KIF13B: variants seen among roughly 807,000 people sequenced by gnomAD.
KIF13B encodes the protein kinesin family member 13B.
A neutral mutation model predicts 222.0 loss-of-function variants in KIF13B; 127 were observed. The observed-to-expected ratio is 0.57, with a 90% confidence interval of 0.50 to 0.66. KIF13B has a LOEUF of 0.66. KIF13B is among the 30% of genes least tolerant of loss of function. The pLI is 0.00. For synonymous variants in KIF13B, 976 were observed against 919.0 expected, an observed-to-expected ratio of 1.06 and a Z score of -1.12; for missense variants, 2,173 against 2,379.0, an observed-to-expected ratio of 0.91 and a Z score of 1.80.
chr8:29,128,151 T>C (rs1810199130), intron 24 of KIF13B, among the ~76,000 whole-genome samples: 1 of 149,666 alleles, frequency 6.7e-6, no homozygotes, highest in South Asian at 2.1e-4. Flanking sequence ...AATATAAATA[T>C]ATAATTATAA....
At chr8:29,163,316 G>A (rs1306541711) in intron 12 of KIF13B, among the ~76,000 whole-genome samples, 3 of 152,202 alleles carry the variant, frequency 2.0e-5, no homozygotes, top group Non-Finnish European at 4.4e-5. Flanking sequence ...AAGGGTCAAA[G>A]GGTGCAGAGG....
intron 2 of KIF13B, among the ~76,000 whole-genome samples, chr8:29,220,306 G>T (rs1036618902): frequency 1.3e-5 from 2 of 152,146 alleles, no homozygotes; most frequent in African/African-American, 4.8e-5. Context: ...CACTAGCCTT[G>T]CCTGGTACTC....
intron 37 of KIF13B, among the ~76,000 whole-genome samples, chr8:29,086,486 A>T (rs61586008): frequency 0.13 from 19,149 of 152,174 alleles, 1,267 homozygotes; most frequent in African/African-American, 0.16. Context: ...GCACCACTGC[A>T]CTCCAGCCTG....
At chr8:29,144,265 GT>G (rs924596569) in intron 18 of KIF13B, among the ~76,000 whole-genome samples, 9 of 150,758 alleles carry the variant, frequency 6.0e-5, no homozygotes, top group African/African-American at 9.7e-5. Context: ...GCGTGTGTGT[GT>G]TTTTTTTTAA....
Position 29,123,405 on chromosome 8 carries a change from G to A in KIF13B, c.3440C>T (p.Pro1147Leu). ...CCCTGGAATACCACTGCCAGCAGAGGGGACCATCACCGCGTTCCTCTCCTC... is the reference window on the plus strand; with the variant it reads ...CCCTGGAATACCACTGCCAGCAGAGAGGACCATCACCGCGTTCCTCTCCTC... ...LTEERNAVMV[P>L]SAGSGIPGAP... is the part of the protein sequence containing the mutation. Residue 1147 changes from proline (P) to leucine (L), a missense_variant, in exon 28 of 40, where the codon CCC becomes CTC. Physicochemically the swap from Pro to Leu is moderately conservative, Grantham distance 98 (BLOSUM62 -3). Around this residue, in one of 2 missense-constraint regions of KIF13B, gnomAD observed 1,480 missense variants for 1,722.8 expected, o/e 0.86. Coordinates refer to ENST00000524189, the MANE Select transcript of KIF13B (RefSeq NM_015254.4). The A allele has an allele frequency of 6.2e-7, 1 of 1,613,990 alleles. No individual in the cohort carries two copies. Among genetic ancestry groups the A allele is most frequent in the South Asian group, 1.1e-5 (1 of 91,086 alleles).
chr8:29,126,479 T>A lies in KIF13B; in HGVS notation c.3252+3A>T. The A allele has an allele frequency of 6.5e-7, 1 of 1,532,604 alleles. No homozygotes were observed. Among genetic ancestry groups the A allele is most frequent in the Non-Finnish European group, 9.0e-7 (1 of 1,114,688 alleles). The allele number at this position is 1,532,604 out of a possible 1,614,324, so 94.9% of individuals were successfully genotyped here. On this transcript the variant is annotated splice_donor_region_variant and intron_variant, in intron 26 of 39. Coordinates refer to ENST00000524189, the MANE Select transcript of KIF13B (RefSeq NM_015254.4). ...GAGATGAGATTAACAGGTGCTAAAT[T>A]ACCTGGTAGCTGTCCATGTCTTCCT...
At chr8:29,207,865 A>G (rs1814024643) in intron 2 of KIF13B, among the ~76,000 whole-genome samples, 1 of 152,198 alleles carries the variant, frequency 6.6e-6, no homozygotes, top group Admixed American at 6.5e-5. Context: ...ATAGAAGCCA[A>G]TAGTTACCGC....
chr8:29,102,353 G>T (rs944778914), intron 35 of KIF13B, among the ~76,000 whole-genome samples: 1 of 152,202 alleles, frequency 6.6e-6, no homozygotes, highest in African/African-American at 2.4e-5. Flanking sequence ...AATCAGCCAT[G>T]ATACAGTTAC....
At position 29,181,905 on chromosome 8, in the gene KIF13B, C is replaced by T; in HGVS notation, c.585+14G>A. On this transcript the variant is annotated intron_variant, in intron 7 of 39. Coordinates refer to ENST00000524189, the MANE Select transcript of KIF13B (RefSeq NM_015254.4). Reference sequence around the variant, plus strand: ...ACACTAAATTTAAATAGTTCACATACAGGATGTTGTTACCTTGTAGCTTGT... The same window carrying T: ...ACACTAAATTTAAATAGTTCACATATAGGATGTTGTTACCTTGTAGCTTGT... 3 of 1,595,948 alleles carry T rather than the reference C, an allele frequency of 1.9e-6. No individual in the cohort carries two copies. The highest frequency in any genetic ancestry group is 1.7e-6 in the Non-Finnish European group (2 of 1,165,476).
intron 2 of KIF13B, among the ~76,000 whole-genome samples, chr8:29,197,316 G>A (rs1321662160): frequency 2.7e-5 from 3 of 111,354 alleles, no homozygotes; most frequent in African/African-American, 3.5e-5. Context: ...CAGCCTGGGC[G>A]ACAGAGCGAG....
At chr8:29,120,142 T>G (rs1809789745) in intron 29 of KIF13B, among the ~76,000 whole-genome samples, 1 of 150,214 alleles carries the variant, frequency 6.7e-6, no homozygotes, top group Non-Finnish European at 1.5e-5. Flanking sequence ...TACATGGTGG[T>G]GAGTGGGAAA....
intron 37 of KIF13B, among the ~76,000 whole-genome samples, chr8:29,084,040 C>T (rs1967070): frequency 0.18 from 27,221 of 151,900 alleles, 3,267 homozygotes; most frequent in African/African-American, 0.35. Flanking sequence ...TCACCCTCCC[C>T]AGTGGCTGGG....
chr8:29,249,273 CAA>C (rs1336271217), intron 1 of KIF13B, among the ~76,000 whole-genome samples: 2 of 151,484 alleles, frequency 1.3e-5, no homozygotes. Flanking sequence ...ACTAAATATA[CAA>C]AAAAATTAGC....
chr8:29,168,520 C>T (rs1563756632), intron 10 of KIF13B, among the ~76,000 whole-genome samples: 1 of 152,228 alleles, frequency 6.6e-6, no homozygotes, highest in Admixed American at 6.5e-5. Context: ...TGGCATGTCA[C>T]CTCTAAGGGT....
At chr8:29,117,564 T>C (rs1240123232) in intron 30 of KIF13B, among the ~76,000 whole-genome samples, 2 of 152,188 alleles carry the variant, frequency 1.3e-5, no homozygotes, top group African/African-American at 4.8e-5. Flanking sequence ...GGCCCTTCCT[T>C]GTCACGCTTG....
chr8:29,207,730 G>C (rs1814017514), intron 2 of KIF13B, among the ~76,000 whole-genome samples: 1 of 151,890 alleles, frequency 6.6e-6, no homozygotes, highest in Non-Finnish European at 1.5e-5. Context: ...AAAAACAGAA[G>C]CCATGCTTTT....
chr8:29,161,705 C>CG (rs955135976), intron 12 of KIF13B, among the ~76,000 whole-genome samples: 8 of 149,960 alleles, frequency 5.3e-5, no homozygotes, highest in Non-Finnish European at 1.2e-4. Context: ...CAAAACCCCC[C>CG]CCCAAAAAAA....
chr8:29,225,863 T>G (rs1396926163), intron 2 of KIF13B, among the ~76,000 whole-genome samples: 3 of 152,220 alleles, frequency 2.0e-5, no homozygotes, highest in Admixed American at 2.0e-4. Flanking sequence ...AGTTGTCAGA[T>G]GCTTGCACCA....
At chr8:29,208,659 C>T (rs1814067831) in intron 2 of KIF13B, among the ~76,000 whole-genome samples, 1 of 152,204 alleles carries the variant, frequency 6.6e-6, no homozygotes, top group Non-Finnish European at 1.5e-5. Flanking sequence ...AACGGGCAGA[C>T]CACGTACAAC....
Sources: allele counts gnomAD v4.1 joint callset (sites outside exome capture counted in the v4.1 genomes callset), GRCh38; gene constraint gnomAD v4.1.1; regional missense constraint gnomAD v4.1.1; transcripts MANE v1.5; gene names NCBI Gene and HGNC (gene_info 2026-07-23, HGNC 2026-07-21).